The following TTC28 variants were observed in gnomAD, a reference collection of about 807,000 sequenced individuals.
The protein encoded by TTC28 is tetratricopeptide repeat protein 28.
TTC28 carries 61 observed loss-of-function variants against 198.0 expected under a neutral mutation model. The observed-to-expected ratio is 0.31, with a 90% CI of 0.25 to 0.38. The LOEUF (loss-of-function observed/expected upper bound fraction) is 0.38. Among genes scored for constraint, TTC28 ranks in the 10% least tolerant of loss-of-function variants. The pLI is 1.00. For missense variants in TTC28, 2,678 were observed against 3,164.0 expected, an observed-to-expected ratio of 0.85 and a Z score of 3.69; for synonymous variants, 1,171 against 1,297.8, an observed-to-expected ratio of 0.90 and a Z score of 2.10.
intron 12 of TTC28, 50 bp from the exon 13 acceptor site, chr22:28,030,416 C>T (rs924187354): frequency 1.3e-6 from 2 of 1,545,678 alleles, no homozygotes; most frequent in African/African-American, 1.4e-5. Flanking sequence ...AAGCGCTGAG[C>T]TATGGAAGTC....
chr22:28,306,669 T>C (rs1040948895), intron 2 of TTC28, 26 bp from the exon 3 acceptor site: 29 of 1,549,970 alleles, frequency 1.9e-5, no homozygotes, highest in Middle Eastern at 3.9e-4. Context: ...ATATAAGATA[T>C]ATAATGCCTG....
At chr22:28,617,926 A>T (rs1487416950) in intron 2 of TTC28, among the ~76,000 whole-genome samples, 1 of 152,198 alleles carries the variant, frequency 6.6e-6, no homozygotes, top group Non-Finnish European at 1.5e-5. Flanking sequence ...ACCAGCAGAG[A>T]TCAGTTGAGT....
At chr22:28,431,727 C>T (rs969933128) in intron 2 of TTC28, among the ~76,000 whole-genome samples, 36 of 152,186 alleles carry the variant, frequency 2.4e-4, no homozygotes, top group African/African-American at 8.7e-4. Flanking sequence ...CCTGTAATCC[C>T]AGCACTTCGG....
intron 2 of TTC28, among the ~76,000 whole-genome samples, chr22:28,535,794 CTG>C (rs1424007396): frequency 6.6e-6 from 1 of 152,168 alleles, no homozygotes; most frequent in Non-Finnish European, 1.5e-5. Flanking sequence ...CATGTGAAGA[CTG>C]TGCCTGCTTC....
At chr22:27,990,649 C>T in intron 20 of TTC28, 140 bp downstream of exon 20, 18 of 730,170 alleles carry the variant, frequency 2.5e-5, no homozygotes, top group Non-Finnish European at 3.9e-5. Context: ...CAGCAGTGCG[C>T]ACCCGCGGGG....
intron 5 of TTC28, among the ~76,000 whole-genome samples, chr22:28,170,315 G>A (rs916733494): frequency 1.3e-5 from 2 of 151,624 alleles, no homozygotes; most frequent in Admixed American, 1.3e-4. Flanking sequence ...GTGAAACCCC[G>A]TCTCTATTAA....
chr22:28,332,590 T>G (rs1362207191), intron 2 of TTC28, among the ~76,000 whole-genome samples: 3 of 152,076 alleles, frequency 2.0e-5, no homozygotes, highest in African/African-American at 7.2e-5. Flanking sequence ...AATTTCAGTG[T>G]ACACACATGG....
At chr22:28,673,435 C>T (rs57071456) in intron 1 of TTC28, among the ~76,000 whole-genome samples, 3 of 151,976 alleles carry the variant, frequency 2.0e-5, no homozygotes, top group Non-Finnish European at 4.4e-5. Context: ...AGCTTCCCCC[C>T]CTTACCTGGT....
At chr22:28,339,768 G>A (rs368564466) in intron 2 of TTC28, among the ~76,000 whole-genome samples, 9 of 152,070 alleles carry the variant, frequency 5.9e-5, no homozygotes, top group African/African-American at 1.7e-4. Context: ...GGAGTGACCC[G>A]ATTTTCCAGG....
At chr22:28,330,867 A>T (rs2045603351) in intron 2 of TTC28, among the ~76,000 whole-genome samples, 1 of 152,224 alleles carries the variant, frequency 6.6e-6, no homozygotes, top group African/African-American at 2.4e-5. Flanking sequence ...AGTGCATGTA[A>T]AAATTTAATG....
At chr22:28,173,365 G>A (rs973173080) in intron 5 of TTC28, among the ~76,000 whole-genome samples, 1 of 152,122 alleles carries the variant, frequency 6.6e-6, no homozygotes, top group Non-Finnish European at 1.5e-5. Flanking sequence ...TGCCACTAAG[G>A]TTCATGCTGC....
chr22:27,995,877 G>A (rs920310955), intron 17 of TTC28, among the ~76,000 whole-genome samples: 1 of 152,122 alleles, frequency 6.6e-6, no homozygotes, highest in Admixed American at 6.5e-5. Flanking sequence ...TCAGGCCAGC[G>A]GGCTCATCCC....
intron 2 of TTC28, among the ~76,000 whole-genome samples, chr22:28,560,473 T>G (rs1160589715): frequency 6.6e-6 from 1 of 152,200 alleles, no homozygotes. Flanking sequence ...CTGTAACTTA[T>G]GACTTGGGCC....
intron 6 of TTC28, among the ~76,000 whole-genome samples, chr22:28,139,417 T>C (rs542384191): frequency 1.3e-5 from 2 of 152,340 alleles, no homozygotes; most frequent in South Asian, 4.1e-4. Context: ...AAGGATAGGA[T>C]GGCCTTAATC....
chr22:28,234,063 C>T (rs1239145298), intron 5 of TTC28, among the ~76,000 whole-genome samples: 4 of 152,070 alleles, frequency 2.6e-5, no homozygotes, highest in East Asian at 3.9e-4. Flanking sequence ...CCTGCCACTA[C>T]GCCCGGCTAA....
intron 1 of TTC28, among the ~76,000 whole-genome samples, chr22:28,631,031 A>G (rs1430420545): frequency 1.3e-5 from 2 of 152,200 alleles, no homozygotes; most frequent in African/African-American, 4.8e-5. Flanking sequence ...AAGCAGGAGG[A>G]TCACTTTAGC....
chr22:28,355,468 T>A (rs921586541), intron 2 of TTC28, among the ~76,000 whole-genome samples: 2 of 152,242 alleles, frequency 1.3e-5, no homozygotes, highest in African/African-American at 4.8e-5. Flanking sequence ...ACTAATAATG[T>A]GTCAAACATC....
At position 28,306,573 on chromosome 22, in the gene TTC28, G is replaced by A. The variant is rs202025973; in HGVS notation, c.452C>T (p.Ser151Phe). The A allele has an allele frequency of 4.3e-5, 67 of 1,551,410 alleles. No individual in the cohort carries two copies. Among genetic ancestry groups the A allele is most frequent in the Non-Finnish European group, 5.1e-5 (59 of 1,146,964 alleles). The part of the protein sequence containing the change: ...RHADALAAFA[S>F]GLAQDPKSLQ... ...ACTCTTGGGGTCTTGAGCCAGTCCA[G>A]ATGCAAAGGCTGCCAGGGCATCGGC... The change falls in exon 3 of 23, where the codon TCT becomes TTT. Residue 151 changes from serine (S) to phenylalanine (F), a missense_variant. Ser to Phe is a radical substitution (Grantham distance 155). Around this residue, in one of 8 missense-constraint regions of TTC28, gnomAD observed 176 missense variants for 197.9 expected, o/e 0.89. Coordinates refer to ENST00000397906, the MANE Select transcript of TTC28 (RefSeq NM_001145418.2).
chr22:28,275,567 C>T (rs939653261), intron 5 of TTC28, among the ~76,000 whole-genome samples: 6 of 152,040 alleles, frequency 3.9e-5, no homozygotes, highest in South Asian at 2.1e-4. Context: ...GATACAAATA[C>T]GCATGTTTTA....
Sources: gnomAD v4.1 joint callset for allele counts (sites outside exome capture counted in the v4.1 genomes callset) on GRCh38, gnomAD v4.1.1 for gene constraint, gnomAD v4.1.1 regional missense constraint, MANE v1.5 for transcripts, NCBI Gene and HGNC (gene_info 2026-07-23, HGNC 2026-07-21) for gene names.